The following C3 variants were observed in gnomAD, a reference collection of about 807,000 sequenced individuals.
The protein encoded by C3 is C3 and PZP-like alpha-2-macroglobulin domain-containing protein 1.
C3 carries 97 observed loss-of-function variants against 207.9 expected under a neutral mutation model. The ratio of observed to expected loss-of-function variants is 0.47; its 90% CI spans 0.40 to 0.55. C3 has a LOEUF of 0.55. Among genes scored for constraint, C3 ranks in the 20% least tolerant of loss-of-function variants. The probability of loss-of-function intolerance (pLI) is 0.00; values close to 1 mark genes in which losing one functional copy is unlikely to be tolerated. For missense variants in C3, 1,684 were observed against 2,171.7 expected, an observed-to-expected ratio of 0.78 and a Z score of 4.46; for synonymous variants, 848 against 857.6, an observed-to-expected ratio of 0.99 and a Z score of 0.20.
At position 6,689,329 on chromosome 19, in the gene C3, C is replaced by CTA. The variant is rs1918098489; in HGVS notation, c.3489+1299_3489+1300insTA. Among the ~76,000 whole-genome samples, 50 of 54,236 alleles carry CTA rather than the reference C, an allele frequency of 9.2e-4. 3 individuals carry two copies. The highest frequency in any genetic ancestry group is 3.0e-3 in the African/African-American group (31 of 10,208). 35.6% of individuals were successfully genotyped at this position (54,236 alleles called of 152,430 possible). On this transcript the variant is annotated intron_variant, in intron 27 of 40. Coordinates refer to ENST00000245907, the MANE Select transcript of C3 (RefSeq NM_000064.4). ...TCTCTCTCTCTCTCTCTCTACCTAC[C>CTA]TCCCTCCCTCCCTCCCTCCCTCCCT...
In C3 at chr19:6,697,730, T is replaced by C; in HGVS notation, c.2505A>G (p.Leu835=). The change falls in exon 20 of 41, where the codon CTA becomes CTG. Residue 835 remains leucine (L), a synonymous_variant. Transcript: ENST00000245907. The stretch of plus-strand genomic sequence containing the variant: ...GCTCGTTTCGAACAACAGAGTAGGG[T>C]AGCCGCAGGTCGATGAAGAAGTCCT... ...VMQDFFIDLR[L]PYSVVRNEQV... is the part of the protein sequence containing the mutation. 1 of 1,613,946 alleles carries C rather than the reference T, an allele frequency of 6.2e-7. No individual in the cohort carries two copies. The highest frequency in any genetic ancestry group is 8.5e-7 in the Non-Finnish European group (1 of 1,179,980).
At position 6,677,932 on chromosome 19, in the gene C3, C is replaced by A; in HGVS notation, c.4942G>T (p.Asp1648Tyr). ...ATGCTCTCGGTGAAGGCGCCGAGGT[C>A]CTGGCATTGTTTCTGGTTCTCTTCG... ...QDEENQKQCQ[D>Y]LGAFTESMVV... The change falls in exon 41 of 41, where the codon GAC (aspartate) becomes TAC (tyrosine). Residue 1648 changes from aspartate to tyrosine, a missense_variant. By Grantham distance (160) the Asp-to-Tyr change is radical. Transcript: ENST00000245907. 1 of 1,598,312 alleles carries A rather than the reference C, an allele frequency of 6.3e-7. No individual in the cohort carries two copies. The highest frequency in any genetic ancestry group is 8.5e-7 in the Non-Finnish European group (1 of 1,172,886).
chr19:6,708,444 C>T (rs369101074), intron 14 of C3, among the ~76,000 whole-genome samples: 3 of 151,966 alleles, frequency 2.0e-5, no homozygotes, highest in African/African-American at 4.8e-5. Flanking sequence ...CCACCATGCC[C>T]GGCCTTCTTT....
chr19:6,686,608 T>C, intron 28 of C3, 138 bp downstream of exon 28: 1 of 962,692 alleles, frequency 1.0e-6, no homozygotes, highest in South Asian at 1.3e-5. Flanking sequence ...CCCAGCTTGA[T>C]ACCTTAGGAC....
chr19:6,718,767 A>C (rs1216142881), intron 2 of C3, among the ~76,000 whole-genome samples: 1 of 143,256 alleles, frequency 7.0e-6, no homozygotes, highest in Non-Finnish European at 1.5e-5. Context: ...AGTTCAGAAG[A>C]GGAGACTTCG....
rs1248776728 is a variant in C3 at position 6,707,264 on chromosome 19, T to C, written c.2057A>G (p.Tyr686Cys). 1.2e-6 allele frequency: 2 copies of C among 1,609,914 alleles called. No homozygotes were observed. The highest frequency in any genetic ancestry group is 2.2e-5 in the South Asian group (2 of 90,658). Residue 686 changes from tyrosine (Y) to cysteine (C), a missense_variant, in exon 17 of 41, where the codon TAC (tyrosine) becomes TGC (cysteine). Tyr to Cys is a radical substitution (Grantham distance 194, BLOSUM62 -2). This residue lies in a region of C3 where 1,280 missense variants were observed against 1,739.1 expected (regional missense o/e 0.74). Transcript: ENST00000245907. Reference sequence around the variant, plus strand: ...GCAGCACTTGCGCAGCTCCTTGGGGTACTTGCCGACTGCGGGAGCACGTGT... The same window carrying C: ...GCAGCACTTGCGCAGCTCCTTGGGGCACTTGCCGACTGCGGGAGCACGTGT... The part of the protein sequence containing the change: ...TEKRMDKVGK[Y>C]PKELRKCCED...
Position 6,712,543 on chromosome 19 carries a change from T to C in C3, c.1084A>G (p.Lys362Glu). Residue 362 changes from lysine to glutamate, a missense_variant, in exon 10 of 41, where the codon AAG (lysine) becomes GAG (glutamate). Coordinates refer to ENST00000245907, the MANE Select transcript of C3 (RefSeq NM_000064.4). ...PYQIHFTKTP[K>E]YFKPGMPFDL... Reference sequence around the variant, plus strand: ...AAGGGCATTCCTGGTTTGAAGTACTTGGGTGTCTTGGTGAAGTGGATCTGG... The same window carrying C: ...AAGGGCATTCCTGGTTTGAAGTACTCGGGTGTCTTGGTGAAGTGGATCTGG... 1 of 1,614,124 alleles carries C rather than the reference T, an allele frequency of 6.2e-7. No individual in the cohort carries two copies. Among genetic ancestry groups the C allele is most frequent in the Non-Finnish European group, 8.5e-7 (1 of 1,179,988 alleles).
chr19:6,678,458 G>GT lies in C3; in HGVS notation c.4631-4dup. 1 of 1,613,822 alleles carries GT rather than the reference G, an allele frequency of 6.2e-7. No homozygotes were observed. The highest frequency in any genetic ancestry group is 8.5e-7 in the Non-Finnish European group (1 of 1,179,810). On this transcript the variant is annotated splice_polypyrimidine_tract_variant and splice_region_variant and intron_variant, in intron 38 of 40. Coordinates refer to ENST00000245907, the MANE Select transcript of C3 (RefSeq NM_000064.4). ...CTTGACCAGTCGGGTCTTGTACACT[G>GT]TGGGGGAGAGGCAGACAGTTTGGGT...
At chr19:6,712,429 G>T in intron 10 of C3, 23 bp from the exon 11 acceptor site, 1 of 1,614,174 alleles carries the variant, frequency 6.2e-7, no homozygotes, top group South Asian at 1.1e-5. Flanking sequence ...GTGCAGGTGG[G>T]GGAAGTTCAG....
chr19:6,699,817 G>C (rs1391545882), intron 19 of C3, among the ~76,000 whole-genome samples: 1 of 151,824 alleles, frequency 6.6e-6, no homozygotes, highest in Non-Finnish European at 1.5e-5. Context: ...CACATTATTA[G>C]TGGGTTGTGG....
chr19:6,717,408 CTGTG>C (rs56313992), intron 4 of C3: 479 of 152,958 alleles, frequency 3.1e-3, no homozygotes, highest in South Asian at 0.012. Flanking sequence ...GTCTCTCAGC[CTGTG>C]TGTGTGTGTG....
In C3 at chr19:6,694,516, G is replaced by C; in HGVS notation, c.3069C>G (p.Ile1023Met). 2 of 1,614,150 alleles carry C rather than the reference G, an allele frequency of 1.2e-6. No homozygotes were observed. The highest frequency in any genetic ancestry group is 1.7e-6 in the Non-Finnish European group (2 of 1,180,008). The change falls in exon 24 of 41, where the codon ATC becomes ATG. Residue 1023 changes from isoleucine (I) to methionine (M), a missense_variant. Transcript: ENST00000245907. ...QNMIGMTPTV[I>M]AVHYLDETEQ... ...CCGTTTCATCCAGGTAATGCACAGC[G>C]ATGACCGTGGGCGTCATGCCGATCA...
chr19:6,679,082 C>A (rs370699397), intron 38 of C3, 43 bp downstream of exon 38: 2 of 1,477,862 alleles, frequency 1.4e-6, no homozygotes. Flanking sequence ...CAATTGGACA[C>A]ACACAGCTAA....
At chr19:6,692,716 A>G (rs568017507) in intron 26 of C3, among the ~76,000 whole-genome samples, 7 of 152,156 alleles carry the variant, frequency 4.6e-5, no homozygotes, top group Middle Eastern at 3.4e-3. Flanking sequence ...GTGTCTCTTC[A>G]TTTTGCGCTG....
chr19:6,693,741 AG>A (rs1918228353), intron 24 of C3, among the ~76,000 whole-genome samples: 1 of 62,682 alleles, frequency 1.6e-5, no homozygotes, highest in Admixed American at 2.0e-4. Flanking sequence ...CAGGGAGGGG[AG>A]GGCTCTCAGA....
rs1918006220 is a variant in C3 at position 6,686,253 on chromosome 19, G to C, written c.3681C>G (p.Leu1227=). ...CATAGGATGTGGCCTCCACGTTGTA[G>C]AGCTGCTTACCAGGGTCCTCCCAGC... ...KNRWEDPGKQ[L]YNVEATSYAL... Residue 1227 remains leucine (L), a synonymous_variant, in exon 29 of 41, where the codon CTC becomes CTG. Coordinates refer to ENST00000245907, the MANE Select transcript of C3 (RefSeq NM_000064.4). 1 of 1,614,180 alleles carries C rather than the reference G, an allele frequency of 6.2e-7. No homozygotes were observed. Among genetic ancestry groups the C allele is most frequent in the Non-Finnish European group, 8.5e-7 (1 of 1,180,040 alleles).
In C3 at chr19:6,677,768, A is replaced by G. The variant is rs992082211; in HGVS notation, c.*114T>C. ...ACAGGTGAGGTTTCAAGTAGGATGG[A>G]GCTGAGCTGCAGGTGAGGCGGCTGG... is the stretch of plus-strand genomic sequence containing the variant. On this transcript the variant is annotated 3_prime_UTR_variant, in exon 41 of 41. Coordinates refer to ENST00000245907, the MANE Select transcript of C3 (RefSeq NM_000064.4). 15 of 1,304,014 alleles carry G rather than the reference A, an allele frequency of 1.2e-5. No homozygotes were observed. In the Admixed American group the frequency reaches 2.6e-4, roughly 23 times the overall value. 80.8% of individuals were successfully genotyped at this position (1,304,014 alleles called of 1,614,324 possible).
rs117819968 is a variant in C3 at position 6,678,895 on chromosome 19, G to A, written c.4630+230C>T. 3.1e-3 allele frequency among the ~76,000 whole-genome samples: 465 copies of A among 152,054 alleles called. 6 individuals carry two copies. The highest frequency in any genetic ancestry group is 0.028 in the Admixed American group (422 of 15,256). On this transcript the variant is annotated intron_variant, in intron 38 of 40. Coordinates refer to ENST00000245907, the MANE Select transcript of C3 (RefSeq NM_000064.4). Reference sequence around the variant, plus strand: ...CAACTACAACCTCACAGCCACCCACGCAATGATGCATACAACCACATCTAC... The same window carrying A: ...CAACTACAACCTCACAGCCACCCACACAATGATGCATACAACCACATCTAC...
intron 19 of C3, among the ~76,000 whole-genome samples, chr19:6,701,541 AAGG>A (rs1355956623): frequency 3.3e-5 from 5 of 152,082 alleles, no homozygotes; most frequent in African/African-American, 1.2e-4. Context: ...TTATTTAGAG[AAGG>A]AGTTTTGCTC....
Sources: allele counts gnomAD v4.1 joint callset (sites outside exome capture counted in the v4.1 genomes callset), GRCh38; gene constraint gnomAD v4.1.1; regional missense constraint gnomAD v4.1.1; transcripts MANE v1.5; gene names NCBI Gene and HGNC (gene_info 2026-07-23, HGNC 2026-07-21).